The following FGF10 variants were observed in gnomAD, a reference collection of about 807,000 sequenced individuals.
FGF10 encodes the protein fibroblast growth factor 10.
In FGF10, 2 loss-of-function variants were observed where a neutral mutation model predicts 19.8. The ratio of observed to expected loss-of-function variants is 0.10; its 90% CI spans 0.04 to 0.32. The LOEUF (loss-of-function observed/expected upper bound fraction) is 0.32, where lower values mean the gene tolerates loss of function less well. FGF10 is among the 10% of genes least tolerant of loss of function. The pLI, the probability that FGF10 is intolerant of heterozygous loss-of-function variation, is 1.00. For synonymous variants in FGF10, 112 were observed against 94.0 expected (o/e 1.19, Z -1.10); for missense variants, 191 against 246.3 (o/e 0.78, Z 1.50).
chr5:44,306,582 G>C (rs1740081562), intron 2 of FGF10, among the ~76,000 whole-genome samples: 1 of 152,186 alleles, frequency 6.6e-6, no homozygotes, highest in Non-Finnish European at 1.5e-5. Flanking sequence ...CTCTCACCTT[G>C]AGACTTTTTG....
chr5:44,344,581 T>TGTGTGTGTGTGTGG (rs1554037832), intron 1 of FGF10, among the ~76,000 whole-genome samples: 1 of 149,896 alleles, frequency 6.7e-6, no homozygotes, highest in Non-Finnish European at 1.5e-5. Context: ...TGTGTGTGTG[T>TGTGTGTGTGTGTGG]GTGTGTGTGT....
intron 1 of FGF10, among the ~76,000 whole-genome samples, chr5:44,316,992 A>G (rs1277601874): frequency 6.6e-6 from 1 of 152,186 alleles, no homozygotes; most frequent in Non-Finnish European, 1.5e-5. Flanking sequence ...GCACATGGTC[A>G]AGAAATTGTC....
At chr5:44,369,795 T>C (rs899358758) in intron 1 of FGF10, among the ~76,000 whole-genome samples, 5 of 152,122 alleles carry the variant, frequency 3.3e-5, no homozygotes, top group Admixed American at 6.6e-5. Context: ...TTATAGAATA[T>C]ACTGGAACTT....
intron 1 of FGF10, among the ~76,000 whole-genome samples, chr5:44,348,278 T>C (rs79002391): frequency 3.4e-4 from 51 of 151,790 alleles, no homozygotes; most frequent in African/African-American, 1.0e-3. Flanking sequence ...CTGGCAATAG[T>C]AGGATGAAAT....
chr5:44,327,515 T>C (rs1254001632), intron 1 of FGF10, among the ~76,000 whole-genome samples: 4 of 152,178 alleles, frequency 2.6e-5, no homozygotes, highest in Admixed American at 2.0e-4. Flanking sequence ...ACACCCTGGA[T>C]ATTCTTTGTC....
chr5:44,313,688 A>T (rs943210952), intron 1 of FGF10, among the ~76,000 whole-genome samples: 1 of 152,006 alleles, frequency 6.6e-6, no homozygotes, highest in African/African-American at 2.4e-5. Context: ...ATATTTTGTA[A>T]ATTTATAGGC....
rs926663509 is a variant in FGF10, at chr5:44,304,709, T to C, written c.*286A>G. On this transcript the variant is annotated 3_prime_UTR_variant, in exon 3 of 3. Transcript: ENST00000264664. ...ATCTCAGAGGTTTAAAAACAAAAAC[T>C]TGACAACAACAACAAAAAACCCAGC... The C allele has an allele frequency of 1.0e-5, 4 of 392,508 alleles. No individual in the cohort carries two copies. The highest frequency in any genetic ancestry group is 1.9e-5 in the Non-Finnish European group (4 of 211,978). The allele number at this position is 392,508 out of a possible 1,614,324, so 24.3% of individuals were successfully genotyped here.
At position 44,300,445 on chromosome 5, in the gene FGF10, C is replaced by T. The variant is rs1739946009; in HGVS notation, c.*4550G>A. Among the ~76,000 whole-genome samples, 1 of 152,024 alleles carries T rather than the reference C, an allele frequency of 6.6e-6. No individual in the cohort carries two copies. Among genetic ancestry groups the T allele is most frequent in the South Asian group, 2.1e-4 (1 of 4,818 alleles). On this transcript the variant is annotated 3_prime_UTR_variant, in exon 3 of 3. Coordinates refer to ENST00000264664, the MANE Select transcript of FGF10 (RefSeq NM_004465.2). ...TTATTCAGTGAAAACTTGCATTCAT[C>T]CCAATATAAAGTTTGCAAAACCACA...
At chr5:44,354,321 T>C (rs1170871878) in intron 1 of FGF10, among the ~76,000 whole-genome samples, 1 of 151,512 alleles carries the variant, frequency 6.6e-6, no homozygotes, top group African/African-American at 2.4e-5. Flanking sequence ...ATTTCTCACA[T>C]GGACTAAGAG....
intron 1 of FGF10, among the ~76,000 whole-genome samples, chr5:44,354,225 A>G (rs1741295252): frequency 6.6e-6 from 1 of 151,286 alleles, no homozygotes; most frequent in South Asian, 2.1e-4. Context: ...GAAAGTAGAG[A>G]GTGGATGGCA....
At chr5:44,328,908 G>A (rs1444590170) in intron 1 of FGF10, among the ~76,000 whole-genome samples, 3 of 152,122 alleles carry the variant, frequency 2.0e-5, no homozygotes, top group African/African-American at 7.2e-5. Context: ...TGAGTTGGGA[G>A]GATGTTTGAG....
chr5:44,325,269 A>G (rs975600167), intron 1 of FGF10, among the ~76,000 whole-genome samples: 5 of 152,034 alleles, frequency 3.3e-5, no homozygotes, highest in African/African-American at 1.2e-4. Flanking sequence ...AAATAGGAAC[A>G]CTTTTACACT....
At chr5:44,385,104 C>T (rs1392334268) in intron 1 of FGF10, among the ~76,000 whole-genome samples, 1 of 152,044 alleles carries the variant, frequency 6.6e-6, no homozygotes, top group Non-Finnish European at 1.5e-5. Context: ...TAAAACAAAA[C>T]CTAAATGAGC....
chr5:44,308,323 G>A (rs1000127474), intron 2 of FGF10, among the ~76,000 whole-genome samples: 2 of 152,056 alleles, frequency 1.3e-5, no homozygotes, highest in African/African-American at 4.8e-5. Context: ...TTGATGTCAT[G>A]TTTTTAAATA....
chr5:44,385,231 T>C (rs1197324672), intron 1 of FGF10, among the ~76,000 whole-genome samples: 1 of 152,138 alleles, frequency 6.6e-6, no homozygotes, highest in Non-Finnish European at 1.5e-5. Flanking sequence ...TCTCATATCA[T>C]GGCAAAGAAG....
chr5:44,344,568 C>CTCTGTG (rs1554037820), intron 1 of FGF10, among the ~76,000 whole-genome samples: 6 of 126,854 alleles, frequency 4.7e-5, no homozygotes, highest in East Asian at 4.6e-4. Flanking sequence ...TTTGTTTTCT[C>CTCTGTG]TGTGTGTGTG....
chr5:44,314,350 G>T (rs746387749), intron 1 of FGF10, among the ~76,000 whole-genome samples: 61 of 152,062 alleles, frequency 4.0e-4, no homozygotes, highest in Non-Finnish European at 7.1e-4. Context: ...ATTGTTTAAA[G>T]AATACATTAG....
At chr5:44,365,396 T>C (rs1484262809) in intron 1 of FGF10, among the ~76,000 whole-genome samples, 1 of 151,644 alleles carries the variant, frequency 6.6e-6, no homozygotes, top group Non-Finnish European at 1.5e-5. Context: ...TTTTTGTTAT[T>C]GCTTCTTTCT....
At chr5:44,373,879 G>A (rs1400620256) in intron 1 of FGF10, among the ~76,000 whole-genome samples, 3 of 151,990 alleles carry the variant, frequency 2.0e-5, no homozygotes, top group African/African-American at 7.3e-5. Flanking sequence ...CACTGTCCAC[G>A]TCCCAAGCCA....
Sources: allele counts gnomAD v4.1 joint callset (sites outside exome capture counted in the v4.1 genomes callset), GRCh38; gene constraint gnomAD v4.1.1; transcripts MANE v1.5; gene names NCBI Gene and HGNC (gene_info 2026-07-23, HGNC 2026-07-21).